The following MIB1 variants were observed in gnomAD, a reference collection of about 807,000 sequenced individuals.
MIB1 encodes MIB E3 ubiquitin protein ligase 1.
A neutral mutation model predicts 124.5 loss-of-function variants in MIB1; 278 were observed. That is an observed-to-expected ratio of 2.23 (90% CI 2.02 to 2.47). The LOEUF (loss-of-function observed/expected upper bound fraction) is 2.47, where lower values mean the gene tolerates loss of function less well. Among genes scored for constraint, MIB1 ranks in the 30% most tolerant of loss-of-function variants. The pLI, the probability that MIB1 is intolerant of heterozygous loss-of-function variation, is 0.00. For synonymous variants in MIB1, 446 were observed against 429.4 expected, an observed-to-expected ratio of 1.04 and a Z score of -0.48; for missense variants, 957 against 1,254.4, an observed-to-expected ratio of 0.76 and a Z score of 3.58.
chr18:21,728,988 C>T (rs935559615), intron 1 of MIB1, among the ~76,000 whole-genome samples: 3 of 152,178 alleles, frequency 2.0e-5, no homozygotes, highest in Non-Finnish European at 2.9e-5. Flanking sequence ...CAAAGAATGT[C>T]GTCAGTGTCC....
At chr18:21,726,938 G>T (rs933844736) in intron 1 of MIB1, among the ~76,000 whole-genome samples, 4 of 152,092 alleles carry the variant, frequency 2.6e-5, no homozygotes, top group Non-Finnish European at 1.5e-5. Context: ...CTTTGGCAGT[G>T]GGGGAAGTTC....
intron 6 of MIB1, among the ~76,000 whole-genome samples, chr18:21,790,699 G>A (rs1205061007): frequency 6.6e-6 from 1 of 152,176 alleles, no homozygotes; most frequent in Non-Finnish European, 1.5e-5. Context: ...TAGTGGGATG[G>A]GAATGGTGAT....
chr18:21,809,890 A>C (rs2146467177), intron 10 of MIB1, among the ~76,000 whole-genome samples: 1 of 152,234 alleles, frequency 6.6e-6, no homozygotes, highest in South Asian at 2.1e-4. Flanking sequence ...AGAAGTGCTG[A>C]CCAGAGCAAT....
chr18:21,848,535 A>G (rs890790496), intron 16 of MIB1, among the ~76,000 whole-genome samples: 3 of 152,080 alleles, frequency 2.0e-5, no homozygotes, highest in Non-Finnish European at 4.4e-5. Flanking sequence ...TCTAAGGTGG[A>G]CCCTCTGTGT....
intron 5 of MIB1, among the ~76,000 whole-genome samples, chr18:21,778,425 A>G (rs1008735661): frequency 2.6e-5 from 4 of 152,156 alleles, no homozygotes; most frequent in Non-Finnish European, 5.9e-5. Flanking sequence ...TTAACTGCAA[A>G]TTATATTGTT....
At chr18:21,736,884 T>A (rs748345358), upstream of MIB1, among the ~76,000 whole-genome samples, 7 of 152,154 alleles carry the variant, frequency 4.6e-5, no homozygotes, top group Admixed American at 3.3e-4. Flanking sequence ...ACCAAATATA[T>A]GTTTGATTGG....
chr18:21,851,999 T>C, intron 17 of MIB1, among the ~76,000 whole-genome samples: 1 of 152,184 alleles, frequency 6.6e-6, no homozygotes, highest in East Asian at 1.9e-4. Flanking sequence ...CAACATGTTA[T>C]ATAGAAAGGA....
In MIB1 at chr18:21,716,007, C is replaced by G. The variant is rs189045292; in HGVS notation, n.167+10884C>G. On this transcript the variant is annotated intron_variant and non_coding_transcript_variant, in intron 1 of 20. Transcript: ENST00000578646. ...CCTGGACATCCAAACACAAGAAGCT[C>G]AAAGAAGACCTGGGAAATTCATTGC... is the stretch of plus-strand genomic sequence containing the variant. 1.8e-4 allele frequency among the ~76,000 whole-genome samples: 27 copies of G among 152,268 alleles called. No individual in the cohort carries two copies. The East Asian group carries it at 4.2e-3, about 24-fold the overall frequency.
At chr18:21,786,181 C>G (rs2146435984) in intron 6 of MIB1, among the ~76,000 whole-genome samples, 1 of 152,134 alleles carries the variant, frequency 6.6e-6, no homozygotes, top group East Asian at 1.9e-4. Context: ...ACTGCAAGCT[C>G]CGCCTCCTGG....
chr18:21,839,702 A>G (rs1274368091), intron 13 of MIB1, among the ~76,000 whole-genome samples: 1 of 152,100 alleles, frequency 6.6e-6, no homozygotes, highest in African/African-American at 2.4e-5. Flanking sequence ...AGGTCTCACT[A>G]TGTTGCCGAA....
intron 7 of MIB1, among the ~76,000 whole-genome samples, chr18:21,795,436 A>G (rs1327305571): frequency 6.8e-6 from 1 of 147,642 alleles, no homozygotes; most frequent in African/African-American, 2.5e-5. Context: ...TATTAGGACA[A>G]TACAAACTAT....
intron 1 of MIB1, among the ~76,000 whole-genome samples, chr18:21,763,920 A>ATTTTTTATT (rs553647232): frequency 1.3e-5 from 2 of 151,596 alleles, no homozygotes; most frequent in South Asian, 2.1e-4. Flanking sequence ...AGCAGGAGTG[A>ATTTTTTATT]TTTTTTATTT....
At chr18:21,850,305 A>G (rs1215660024) in intron 17 of MIB1, among the ~76,000 whole-genome samples, 1 of 152,150 alleles carries the variant, frequency 6.6e-6, no homozygotes, top group Non-Finnish European at 1.5e-5. Context: ...AGTTTAAACC[A>G]AAGAGCATGT....
chr18:21,729,183 T>G (rs989863331), intron 1 of MIB1, among the ~76,000 whole-genome samples: 1 of 152,198 alleles, frequency 6.6e-6, no homozygotes, highest in African/African-American at 2.4e-5. Context: ...CAACATCACC[T>G]CTATAGGTCT....
At chr18:21,769,831 A>G (rs2041205288) in intron 3 of MIB1, among the ~76,000 whole-genome samples, 1 of 152,200 alleles carries the variant, frequency 6.6e-6, no homozygotes, top group Admixed American at 6.5e-5. Context: ...TTTTTGGGAT[A>G]AAAGAAGGCA....
chr18:21,754,700 T>C (rs569066662), intron 1 of MIB1, among the ~76,000 whole-genome samples: 17 of 152,364 alleles, frequency 1.1e-4, no homozygotes, highest in Admixed American at 2.6e-4. Flanking sequence ...ATGAACCGTC[T>C]ATCCATGAAA....
At chr18:21,798,840 T>C (rs2041616186) in intron 8 of MIB1, among the ~76,000 whole-genome samples, 1 of 152,126 alleles carries the variant, frequency 6.6e-6, no homozygotes, top group Non-Finnish European at 1.5e-5. Flanking sequence ...AGTTACTGTG[T>C]GTACATGTTG....
At position 21,865,003 on chromosome 18, in the gene MIB1, A is replaced by G. The variant is rs1054078018; in HGVS notation, c.*337A>G. ...GTAAATTTGTTGGATCTCAAAAGAC[A>G]TAATTCTTTGTGATCAGTTATCCTT... On this transcript the variant is annotated 3_prime_UTR_variant, in exon 21 of 21. Coordinates refer to ENST00000261537, the MANE Select transcript of MIB1 (RefSeq NM_020774.4). 3.5e-4 allele frequency: 60 copies of G among 171,080 alleles called. No individual in the cohort carries two copies. The highest frequency in any genetic ancestry group is 1.3e-3 in the African/African-American group (54 of 42,222). The allele number at this position is 171,080 out of a possible 1,614,324, so 10.6% of individuals were successfully genotyped here.
rs183939400 is a variant in MIB1 at position 21,826,060 on chromosome 18, C to T, written c.1829+6414C>T. The T allele has an allele frequency of 8.5e-4, 192 of 225,100 alleles. 2 individuals are homozygous for T. The highest frequency in any genetic ancestry group is 4.4e-3 in the South Asian group (92 of 20,730). The allele number at this position is 225,100 out of a possible 1,614,324, so 13.9% of individuals were successfully genotyped here. A position where few individuals can be genotyped will look rare whatever the true frequency, so the allele number is the denominator to read the frequency against. On this transcript the variant is annotated intron_variant, in intron 12 of 20. Transcript: ENST00000261537. Reference sequence around the variant, plus strand: ...TTCTTTTTCTAATCTTGTCCACAGCCGAAGTCTTTGCTTAATTCTTACATG... The same window carrying T: ...TTCTTTTTCTAATCTTGTCCACAGCTGAAGTCTTTGCTTAATTCTTACATG...
Sources: gnomAD v4.1 joint callset for allele counts (sites outside exome capture counted in the v4.1 genomes callset) on GRCh38, gnomAD v4.1.1 for gene constraint, MANE v1.5 for transcripts, NCBI Gene and HGNC (gene_info 2026-07-23, HGNC 2026-07-21) for gene names.